Variants in PTGFRN observed in about 807,000 individuals in gnomAD.
PTGFRN encodes the protein prostaglandin F2 receptor negative regulator.
A neutral mutation model predicts 83.2 loss-of-function variants in PTGFRN; 35 were observed. That is an observed-to-expected ratio of 0.42 (90% CI 0.32 to 0.56). PTGFRN has a LOEUF of 0.56. Ranked by LOEUF, PTGFRN falls within the 20% of genes least tolerant of loss-of-function variation. The pLI, the probability that PTGFRN is intolerant of heterozygous loss-of-function variation, is 0.11. For missense variants in PTGFRN, 1,051 were observed against 1,179.5 expected, an observed-to-expected ratio of 0.89 and a Z score of 1.60; for synonymous variants, 519 against 498.6, an observed-to-expected ratio of 1.04 and a Z score of -0.55.
intron 4 of PTGFRN, among the ~76,000 whole-genome samples, chr1:116,950,425 C>T (rs972101262): frequency 4.8e-5 from 7 of 147,316 alleles, no homozygotes; most frequent in Non-Finnish European, 1.1e-4. Flanking sequence ...TCATCACATT[C>T]CCCCCTGTTT....
chr1:116,968,948 A>G (rs1339158781), intron 6 of PTGFRN, among the ~76,000 whole-genome samples: 1 of 152,008 alleles, frequency 6.6e-6, no homozygotes, highest in African/African-American at 2.4e-5. Context: ...TTATCTGTTC[A>G]TCTGTTGATG....
chr1:116,941,738 A>G lies in PTGFRN; in HGVS notation c.73A>G (p.Arg25Gly). Residue 25 changes from arginine to glycine, a missense_variant, in exon 2 of 9, where the codon AGA (arginine) becomes GGA (glycine). Physicochemically the swap from Arg to Gly is moderately radical, Grantham distance 125. Transcript: ENST00000393203. The surrounding 1 kb of genome is among the most constrained non-coding windows in gnomAD (Gnocchi z 5.0). ...SLALCRGRVV[R>G]VPTATLVRVV... ...AGCTCTTTGCCGAGGGCGTGTGGTG[A>G]GAGTCCCCACAGCGACCCTGGTTCG... The G allele has an allele frequency of 6.2e-7, 1 of 1,613,314 alleles. No homozygotes were observed. Among genetic ancestry groups the G allele is most frequent in the Non-Finnish European group, 8.5e-7 (1 of 1,179,530 alleles).
intron 4 of PTGFRN, among the ~76,000 whole-genome samples, chr1:116,956,121 C>T (rs1371877166): frequency 2.0e-5 from 3 of 152,226 alleles, no homozygotes; most frequent in African/African-American, 4.8e-5. Context: ...TGCTCCTACT[C>T]CTACCATTCT....
chr1:116,964,362 C>T (rs1305381417), intron 5 of PTGFRN, among the ~76,000 whole-genome samples: 1 of 152,158 alleles, frequency 6.6e-6, no homozygotes, highest in East Asian at 1.9e-4. Flanking sequence ...TGATTCCCTC[C>T]TCCTGGGAAT....
At chr1:116,967,700 G>A (rs1402013662) in intron 6 of PTGFRN, among the ~76,000 whole-genome samples, 5 of 152,104 alleles carry the variant, frequency 3.3e-5, no homozygotes, top group Admixed American at 3.3e-4. Flanking sequence ...TTTCTATCTG[G>A]CTTCTTTTTT....
chr1:116,951,478 C>G (rs1018043011), intron 4 of PTGFRN, among the ~76,000 whole-genome samples: 1 of 152,190 alleles, frequency 6.6e-6, no homozygotes. Flanking sequence ...GTAATAAGCA[C>G]TCAATAAATA....
chr1:116,985,183 T>C (rs1651429060), intron 8 of PTGFRN, among the ~76,000 whole-genome samples, 198 bp downstream of exon 8: 1 of 152,232 alleles, frequency 6.6e-6, no homozygotes, highest in Non-Finnish European at 1.5e-5. Flanking sequence ...TATTATGTGC[T>C]AGTGTCACCA....
In PTGFRN at chr1:116,949,442, G is replaced by A. The variant is rs1262184091; in HGVS notation, c.1083G>A (p.Arg361=). 1.9e-6 allele frequency: 3 copies of A among 1,614,130 alleles called. No individual in the cohort carries two copies. Among genetic ancestry groups the A allele is most frequent in the Non-Finnish European group, 2.5e-6 (3 of 1,180,054 alleles). ...VDARSYHLLV[R]DVSKENSGYY... The stretch of plus-strand genomic sequence containing the variant: ...CACGCTCCTACCATTTACTGGTTCG[G>A]GATGTTAGCAAAGAAAACTCTGGCT... The change falls in exon 4 of 9, where the codon CGG becomes CGA. Residue 361 remains arginine (R), a synonymous_variant. Transcript: ENST00000393203.
chr1:116,950,508 A>C (rs928390678), intron 4 of PTGFRN, among the ~76,000 whole-genome samples: 5 of 152,224 alleles, frequency 3.3e-5, no homozygotes, highest in Non-Finnish European at 5.9e-5. Context: ...ATTAGCAGGC[A>C]AAACAGATCT....
rs34050341 is a variant in PTGFRN, at chr1:116,985,707, C to CAAA, written c.2473+734_2473+736dup. On this transcript the variant is annotated intron_variant, in intron 8 of 8. Transcript: ENST00000393203. ...CAGGCGACAATGGGATACTCCATCT[C>CAAA]AAAAAAAAAAAAAAGAGACTCCTTC... Among the ~76,000 whole-genome samples the CAAA allele has an allele frequency of 1.5e-3, 192 of 128,792 alleles. 2 individuals are homozygous for CAAA. The highest frequency in any genetic ancestry group is 4.6e-3 in the African/African-American group (158 of 34,474). 84.5% of individuals were successfully genotyped at this position (128,792 alleles called of 152,430 possible).
At chr1:116,936,300 T>G (rs1649920252) in intron 1 of PTGFRN, among the ~76,000 whole-genome samples, 1 of 152,246 alleles carries the variant, frequency 6.6e-6, no homozygotes, top group Non-Finnish European at 1.5e-5. Context: ...AATTTGAAAT[T>G]CTGTTACCAA....
At position 116,984,763 on chromosome 1, in the gene PTGFRN, C is replaced by T. The variant is rs750460501; in HGVS notation, c.2251C>T (p.Arg751Trp). 7 of 1,613,972 alleles carry T rather than the reference C, an allele frequency of 4.3e-6. No homozygotes were observed. The highest frequency in any genetic ancestry group is 1.3e-5 in the African/African-American group (1 of 74,904). ...KAPVLLSSLD[R>W]KGIVTTSRRD... ...TCCTGTGCTCCTGTCTTCCCTGGAT[C>T]GGAAGGGCATCGTGACCACCTCCCG... The change falls in exon 8 of 9, where the codon CGG (arginine) becomes TGG (tryptophan). Residue 751 changes from arginine (R) to tryptophan (W), a missense_variant. Around this residue, in one of 3 missense-constraint regions of PTGFRN, gnomAD observed 719 missense variants for 836.6 expected, o/e 0.86. Transcript: ENST00000393203.
Position 116,984,889 on chromosome 1 carries a change from T to A in PTGFRN, c.2377T>A (p.Cys793Ser). ...GGACCAGGACTTTGGCAACTACTAC[T>A]GTTCCGTGACTCCATGGGTGAAGTC... ...SEDQDFGNYY[C>S]SVTPWVKSPT... is the part of the protein sequence containing the mutation. The change falls in exon 8 of 9, where the codon TGT (cysteine) becomes AGT (serine). Residue 793 changes from cysteine (C) to serine (S), a missense_variant. Around this residue, in one of 3 missense-constraint regions of PTGFRN, gnomAD observed 719 missense variants for 836.6 expected, o/e 0.86. Coordinates refer to ENST00000393203, the MANE Select transcript of PTGFRN (RefSeq NM_020440.4). 1 of 1,614,212 alleles carries A rather than the reference T, an allele frequency of 6.2e-7. No homozygotes were observed. The highest frequency in any genetic ancestry group is 8.5e-7 in the Non-Finnish European group (1 of 1,180,040).
At chr1:116,911,765 C>T (rs995189420) in intron 1 of PTGFRN, among the ~76,000 whole-genome samples, 1 of 152,230 alleles carries the variant, frequency 6.6e-6, no homozygotes, top group Non-Finnish European at 1.5e-5. Flanking sequence ...ACCTCAGTCT[C>T]CTGAAGTGCT....
chr1:116,927,447 G>T (rs1427044014), intron 1 of PTGFRN, among the ~76,000 whole-genome samples: 2 of 151,536 alleles, frequency 1.3e-5, no homozygotes, highest in Non-Finnish European at 2.9e-5. Flanking sequence ...GTTAGTTAAT[G>T]ATCCAGTCTT....
intron 7 of PTGFRN, among the ~76,000 whole-genome samples, chr1:116,974,927 A>G (rs946460942): frequency 6.6e-6 from 1 of 152,224 alleles, no homozygotes. Context: ...AGGGCAAGGC[A>G]TCAACTCACC....
chr1:116,910,747 C>T (rs1294146793), intron 1 of PTGFRN, among the ~76,000 whole-genome samples: 1 of 152,174 alleles, frequency 6.6e-6, no homozygotes, highest in Admixed American at 6.5e-5. Flanking sequence ...AGAGAATCCT[C>T]CAACTTCCTT....
intron 4 of PTGFRN, 75 bp downstream of exon 4, chr1:116,949,647 A>G: frequency 6.5e-7 from 1 of 1,527,300 alleles, no homozygotes; most frequent in Non-Finnish European, 8.8e-7. Context: ...GAGTTATCTC[A>G]GGAGGCTCTG....
Position 116,944,980 on chromosome 1 carries a change from C to T in PTGFRN, c.720C>T (p.Ala240=), listed in dbSNP as rs377293419. 1.3e-5 allele frequency: 21 copies of T among 1,613,864 alleles called. No individual in the cohort carries two copies. The African/African-American group carries it at 2.0e-4, about 15-fold the overall frequency. ...YRLSVSRALS[A]DQGSYRCIVS... ...TCTCAGTGTCCCGGGCTCTGTCTGC[C>T]GACCAGGGCTCCTACAGGTGTATCG... The change falls in exon 3 of 9, where the codon GCC becomes GCT. Residue 240 remains alanine (A), a synonymous_variant. Transcript: ENST00000393203.
Sources: allele counts gnomAD v4.1 joint callset (sites outside exome capture counted in the v4.1 genomes callset), GRCh38; gene constraint gnomAD v4.1.1; regional missense constraint gnomAD v4.1.1; non-coding constraint Gnocchi (gnomAD v3.1); transcripts MANE v1.5; gene names NCBI Gene and HGNC (gene_info 2026-07-23, HGNC 2026-07-21).